Variants in PRDM5 observed in about 807,000 individuals in gnomAD.
PRDM5 encodes PR/SET domain 5.
PRDM5 carries 56 observed loss-of-function variants against 81.2 expected under a neutral mutation model. The ratio of observed to expected loss-of-function variants is 0.69; its 90% CI spans 0.56 to 0.86. PRDM5 has a LOEUF of 0.86. Ranked by LOEUF, PRDM5 falls within the 40% of genes least tolerant of loss-of-function variation. PRDM5 has a pLI of 0.00. For synonymous variants in PRDM5, 267 were observed against 256.4 expected (o/e 1.04, Z -0.39); for missense variants, 697 against 770.1 (o/e 0.91, Z 1.12).
At chr4:120,720,099 A>T in intron 14 of PRDM5, among the ~76,000 whole-genome samples, 1 of 152,162 alleles carries the variant, frequency 6.6e-6, no homozygotes. Context: ...CAACCCCAGC[A>T]TAGCCAAGCT....
intron 3 of PRDM5, among the ~76,000 whole-genome samples, chr4:120,824,367 G>A (rs1009444935): frequency 3.3e-5 from 5 of 152,060 alleles, no homozygotes; most frequent in Non-Finnish European, 5.9e-5. Context: ...CCTCCTGGAC[G>A]CCTTGTATAT....
intron 12 of PRDM5, among the ~76,000 whole-genome samples, chr4:120,779,518 C>A (rs6825664): frequency 0.41 from 61,971 of 151,880 alleles, 12,800 homozygotes; most frequent in East Asian, 0.5. Context: ...GCTAAAAACA[C>A]CAGATAATAT....
At chr4:120,877,488 G>A (rs1455227360) in intron 2 of PRDM5, among the ~76,000 whole-genome samples, 2 of 152,112 alleles carry the variant, frequency 1.3e-5, no homozygotes, top group African/African-American at 4.8e-5. Context: ...TTAACTCCAG[G>A]CTGCTAGAAG....
chr4:120,799,896 T>C (rs1561284619), intron 8 of PRDM5, 151 bp from the exon 9 acceptor site: 4 of 1,366,284 alleles, frequency 2.9e-6, no homozygotes, highest in African/African-American at 1.5e-5. Context: ...CACTAACCTA[T>C]ATACACTGAA....
intron 14 of PRDM5, among the ~76,000 whole-genome samples, chr4:120,752,804 A>G (rs1223877579): frequency 1.3e-5 from 2 of 152,182 alleles, no homozygotes; most frequent in African/African-American, 4.8e-5. Flanking sequence ...ATAAATCATA[A>G]TAACAGCTAC....
intron 2 of PRDM5, among the ~76,000 whole-genome samples, chr4:120,869,016 T>C (rs1579052994): frequency 6.6e-6 from 1 of 152,170 alleles, no homozygotes; most frequent in African/African-American, 2.4e-5. Context: ...ATTTATAAAA[T>C]ATAAAACTAC....
chr4:120,705,198 T>C (rs1735931813), intron 15 of PRDM5, among the ~76,000 whole-genome samples: 1 of 152,214 alleles, frequency 6.6e-6, no homozygotes, highest in Non-Finnish European at 1.5e-5. Context: ...ATCAATTAAT[T>C]TCTTTATCCA....
In PRDM5 at chr4:120,744,386, C is replaced by G. The variant is rs550542418; in HGVS notation, c.1623+10167G>C. On this transcript the variant is annotated intron_variant, in intron 14 of 15. Coordinates refer to ENST00000264808, the MANE Select transcript of PRDM5 (RefSeq NM_018699.4). The stretch of plus-strand genomic sequence containing the variant: ...ATTAAAAGAACTAGAAAAGCAAGAG[C>G]AAACACACTCAAAAGCTAGCAGGAG... Among the ~76,000 whole-genome samples, 5 of 152,154 alleles carry G rather than the reference C, an allele frequency of 3.3e-5. No individual in the cohort carries two copies. The South Asian group carries it at 1.0e-3, about 32-fold the overall frequency.
rs565350636 is a variant in PRDM5 at position 120,695,216 on chromosome 4, A to T, written c.1788T>A (p.Asn596Lys). The T allele has an allele frequency of 6.2e-7, 1 of 1,613,630 alleles. No individual in the cohort carries two copies. The highest frequency in any genetic ancestry group is 1.3e-5 in the African/African-American group (1 of 75,030). ...KMLIRHKMTH[N>K]PNRPLAECQF... Reference sequence around the variant, plus strand: ...GGCATTCTGCCAGGGGACGATTGGGATTATGAGTCATCTTGTGTCGAATCA... The same window carrying T: ...GGCATTCTGCCAGGGGACGATTGGGTTTATGAGTCATCTTGTGTCGAATCA... The change falls in exon 16 of 16, where the codon AAT becomes AAA. Residue 596 changes from asparagine (N) to lysine (K), a missense_variant. Around this residue, in one of 3 missense-constraint regions of PRDM5, gnomAD observed 86 missense variants for 135.2 expected, o/e 0.64. Coordinates refer to ENST00000264808, the MANE Select transcript of PRDM5 (RefSeq NM_018699.4).
Position 120,819,494 on chromosome 4 carries a change from C to T in PRDM5, c.476-967G>A, listed in dbSNP as rs141736058. ...ATGTAACAAACCTGCACATTGTGCA[C>T]ATGTACCCTAAAACTTAAAGTATAA... On this transcript the variant is annotated intron_variant, in intron 4 of 15. Transcript: ENST00000264808. Among the ~76,000 whole-genome samples, 1,255 of 151,872 alleles carry T rather than the reference C, an allele frequency of 8.3e-3. 11 individuals are homozygous for T. The highest frequency in any genetic ancestry group is 0.028 in the African/African-American group (1,157 of 41,420).
Position 120,908,005 on chromosome 4 carries a change from G to A in PRDM5, c.94-448C>T, listed in dbSNP as rs149249855. The stretch of plus-strand genomic sequence containing the variant: ...GGACGTGGGCTTGGCATTCTCAGAG[G>A]AAGAGTGTTCATAAATAAACTTTAA... On this transcript the variant is annotated intron_variant, in intron 1 of 15. Transcript: ENST00000264808. Among the ~76,000 whole-genome samples the A allele has an allele frequency of 3.0e-4, 46 of 152,322 alleles. No homozygotes were observed. In the East Asian group the frequency reaches 5.8e-3, roughly 19 times the overall value.
At chr4:120,726,001 T>C (rs1038762937) in intron 14 of PRDM5, among the ~76,000 whole-genome samples, 1 of 152,140 alleles carries the variant, frequency 6.6e-6, no homozygotes, top group Non-Finnish European at 1.5e-5. Flanking sequence ...TAGCTAGCCC[T>C]TTCCCATCAC....
chr4:120,866,526 T>A (rs1192707161), intron 2 of PRDM5, among the ~76,000 whole-genome samples: 1 of 152,206 alleles, frequency 6.6e-6, no homozygotes, highest in Non-Finnish European at 1.5e-5. Flanking sequence ...CACCTTTATA[T>A]ATATTATATA....
At chr4:120,723,375 G>A (rs947912608) in intron 14 of PRDM5, among the ~76,000 whole-genome samples, 14 of 152,202 alleles carry the variant, frequency 9.2e-5, no homozygotes, top group African/African-American at 3.1e-4. Flanking sequence ...ATCCTTGAAA[G>A]AAAAGGAATG....
intron 7 of PRDM5, among the ~76,000 whole-genome samples, chr4:120,813,542 T>A (rs1216956652): frequency 6.6e-6 from 1 of 152,258 alleles, no homozygotes; most frequent in African/African-American, 2.4e-5. Context: ...TTTGTCTTAT[T>A]ATTCAAGATG....
intron 14 of PRDM5, among the ~76,000 whole-genome samples, chr4:120,724,119 T>C (rs571125873): frequency 1.3e-5 from 2 of 152,210 alleles, no homozygotes; most frequent in South Asian, 4.1e-4. Flanking sequence ...TACATACCAA[T>C]TAATTTAAGT....
At chr4:120,909,727 G>C (rs1028225622) in intron 1 of PRDM5, among the ~76,000 whole-genome samples, 3 of 151,880 alleles carry the variant, frequency 2.0e-5, no homozygotes, top group Non-Finnish European at 2.9e-5. Flanking sequence ...GGGGGTGCGG[G>C]GGAAGCCTGC....
chr4:120,816,213 TTAAC>T (rs1349533082), intron 7 of PRDM5: 6 of 595,528 alleles, frequency 1.0e-5, no homozygotes, highest in African/African-American at 5.6e-5. Flanking sequence ...TAACTAGACT[TTAAC>T]TAAGGCTTAC....
At chr4:120,687,594 A>G (rs1361402693), downstream of PRDM5, among the ~76,000 whole-genome samples, 2 of 152,140 alleles carry the variant, frequency 1.3e-5, no homozygotes, top group Non-Finnish European at 2.9e-5. Context: ...GTGTTCAAAT[A>G]TCTCTTTGAA....
Sources: allele counts gnomAD v4.1 joint callset (sites outside exome capture counted in the v4.1 genomes callset), GRCh38; gene constraint gnomAD v4.1.1; regional missense constraint gnomAD v4.1.1; transcripts MANE v1.5; gene names NCBI Gene and HGNC (gene_info 2026-07-23, HGNC 2026-07-21).